Variants in DGKG observed in about 807,000 individuals in gnomAD.
DGKG encodes DAG kinase gamma.
In DGKG, 78 loss-of-function variants were observed where a neutral mutation model predicts 105.3. That is an observed-to-expected ratio of 0.74 (90% confidence interval 0.62 to 0.89). The LOEUF (loss-of-function observed/expected upper bound fraction) is 0.89, where lower values mean the gene tolerates loss of function less well. Among genes scored for constraint, DGKG ranks in the 40% least tolerant of loss-of-function variants. The probability of loss-of-function intolerance (pLI) is 0.00; values close to 1 mark genes in which losing one functional copy is unlikely to be tolerated. For synonymous variants in DGKG, 346 were observed against 367.1 expected (o/e 0.94, Z 0.66); for missense variants, 958 against 1,020.1 (o/e 0.94, Z 0.83).
chr3:186,199,143 G>A (rs1216464458), intron 21 of DGKG, among the ~76,000 whole-genome samples: 1 of 152,070 alleles, frequency 6.6e-6, no homozygotes, highest in Non-Finnish European at 1.5e-5. Context: ...TAGAGACAGG[G>A]TTTCACCATG....
intron 22 of DGKG, among the ~76,000 whole-genome samples, chr3:186,181,842 G>T (rs181869875): frequency 6.6e-6 from 1 of 152,388 alleles, no homozygotes; most frequent in East Asian, 1.9e-4. Context: ...AGCCAGAGGG[G>T]CCAGGTGTGG....
intron 24 of DGKG, chr3:186,158,235 C>T (rs1335479891): frequency 2.8e-6 from 2 of 707,580 alleles, no homozygotes; most frequent in South Asian, 6.4e-5. Context: ...TATTATTGCT[C>T]TTCTAATTTT....
intron 14 of DGKG, among the ~76,000 whole-genome samples, chr3:186,264,507 G>T (rs2108577099): frequency 6.6e-6 from 1 of 152,262 alleles, no homozygotes; most frequent in Non-Finnish European, 1.5e-5. Context: ...TAGGCGATTT[G>T]CCCGCCTCAG....
At chr3:186,352,566 C>A (rs1423419326) in intron 1 of DGKG, among the ~76,000 whole-genome samples, 1 of 152,188 alleles carries the variant, frequency 6.6e-6, no homozygotes, top group African/African-American at 2.4e-5. Flanking sequence ...AACTTGTTAC[C>A]TAACCCCACA....
chr3:186,321,287 G>T (rs1216349488), intron 1 of DGKG, among the ~76,000 whole-genome samples: 1 of 152,126 alleles, frequency 6.6e-6, no homozygotes, highest in Non-Finnish European at 1.5e-5. Flanking sequence ...TCATACTGTG[G>T]GTCATTAAAT....
At chr3:186,244,697 AG>A (rs1720853501) in intron 19 of DGKG, among the ~76,000 whole-genome samples, 1 of 152,110 alleles carries the variant, frequency 6.6e-6, no homozygotes. Flanking sequence ...ATGAGCCACC[AG>A]GCCTGGCCAA....
intron 3 of DGKG, among the ~76,000 whole-genome samples, chr3:186,301,349 CG>C (rs1184458834): frequency 2.0e-5 from 3 of 152,070 alleles, no homozygotes; most frequent in Non-Finnish European, 4.4e-5. Context: ...TTCCATGTGA[CG>C]GGTGCGGTGG....
intron 1 of DGKG, among the ~76,000 whole-genome samples, chr3:186,350,088 T>C (rs996176571): frequency 6.6e-6 from 1 of 151,936 alleles, no homozygotes; most frequent in Non-Finnish European, 1.5e-5. Flanking sequence ...TGGGACTTCA[T>C]CATGTTGGCC....
In DGKG at chr3:186,242,454, C is replaced by T. The variant is rs371929344; in HGVS notation, c.1826+50G>A. 835 of 1,517,610 alleles carry T rather than the reference C, an allele frequency of 5.5e-4. 4 individuals are homozygous for T. The South Asian group carries it at 9.0e-3, about 16-fold the overall frequency. 94.0% of individuals were successfully genotyped at this position (1,517,610 alleles called of 1,614,324 possible). A position where few individuals can be genotyped will look rare whatever the true frequency, so the allele number is the denominator to read the frequency against. On this transcript the variant is annotated intron_variant, in intron 20 of 24. Coordinates refer to ENST00000265022, the MANE Select transcript of DGKG (RefSeq NM_001346.3). ...GAGAGCAGGTGAAAGGCCTCTGTTC[C>T]GCCAGGGCCACACTGGGTGGGTGGC... is the stretch of plus-strand genomic sequence containing the variant.
rs1165723037 is a variant in DGKG, at chr3:186,310,265, CAAAAAAA to C, written c.68-3295_68-3289del. Among the ~76,000 whole-genome samples the C allele has an allele frequency of 1.8e-4, 6 of 33,296 alleles. No individual in the cohort carries two copies. In the South Asian group the frequency reaches 0.013, roughly 73 times the overall value. 21.8% of individuals were successfully genotyped at this position (33,296 alleles called of 152,430 possible). On this transcript the variant is annotated intron_variant, in intron 2 of 24. Coordinates refer to ENST00000265022, the MANE Select transcript of DGKG (RefSeq NM_001346.3). ...CTGGCAACAAAGCAAGACTCCGTCT[CAAAAAAA>C]AAAAAAAAAAAAAAAAACCACACAC...
At chr3:186,222,562 G>A (rs933011892) in intron 20 of DGKG, among the ~76,000 whole-genome samples, 1 of 152,202 alleles carries the variant, frequency 6.6e-6, no homozygotes, top group African/African-American at 2.4e-5. Flanking sequence ...CACACACATG[G>A]TCGGGTGCGG....
At chr3:186,205,862 C>T (rs2108514834) in intron 21 of DGKG, among the ~76,000 whole-genome samples, 1 of 151,988 alleles carries the variant, frequency 6.6e-6, no homozygotes, top group Non-Finnish European at 1.5e-5. Context: ...AAAAAATCCT[C>T]AAACACTCAA....
chr3:186,183,504 TG>T (rs11360636), intron 22 of DGKG, among the ~76,000 whole-genome samples: 35,507 of 151,772 alleles, frequency 0.23, 4,790 homozygotes, highest in South Asian at 0.37. Flanking sequence ...GAACCTTTCT[TG>T]GGGGGGGGCG....
chr3:186,199,991 C>T (rs1453938487), intron 21 of DGKG, among the ~76,000 whole-genome samples: 1 of 152,132 alleles, frequency 6.6e-6, no homozygotes, highest in East Asian at 1.9e-4. Flanking sequence ...CTCCCGATGC[C>T]TCTTACTCTT....
At chr3:186,165,691 G>A (rs1716507871) in intron 22 of DGKG, among the ~76,000 whole-genome samples, 1 of 152,182 alleles carries the variant, frequency 6.6e-6, no homozygotes, top group Non-Finnish European at 1.5e-5. Context: ...CAGGACCAGT[G>A]GTCTCCCACA....
chr3:186,306,781 G>A, intron 3 of DGKG, 120 bp downstream of exon 3: 1 of 679,704 alleles, frequency 1.5e-6, no homozygotes, highest in Non-Finnish European at 2.6e-6. Context: ...TGAGACTTAA[G>A]AGGAAACATG....
At chr3:186,245,978 T>C (rs1460440949) in intron 19 of DGKG, among the ~76,000 whole-genome samples, 1 of 152,178 alleles carries the variant, frequency 6.6e-6, no homozygotes, top group African/African-American at 2.4e-5. Context: ...TTTTAAATTT[T>C]TTTATTTTTT....
intron 22 of DGKG, among the ~76,000 whole-genome samples, chr3:186,181,588 C>G (rs1287571790): frequency 6.6e-6 from 1 of 152,124 alleles, no homozygotes; most frequent in Non-Finnish European, 1.5e-5. Context: ...CAAAAATTAG[C>G]CAGGCACAGT....
intron 22 of DGKG, among the ~76,000 whole-genome samples, chr3:186,182,794 C>T (rs1400361): frequency 0.011 from 1,680 of 152,198 alleles, 40 homozygotes; most frequent in African/African-American, 0.038. Context: ...AAGATTCTTT[C>T]CCCTCTCTCC....
Sources: gnomAD v4.1 joint callset for allele counts (sites outside exome capture counted in the v4.1 genomes callset) on GRCh38, gnomAD v4.1.1 for gene constraint, MANE v1.5 for transcripts, NCBI Gene and HGNC (gene_info 2026-07-23, HGNC 2026-07-21) for gene names.